The following INPP5F variants were observed in gnomAD, a reference collection of about 807,000 sequenced individuals.
INPP5F encodes the protein inositol polyphosphate-5-phosphatase F, also known as phosphatidylinositide 4-phosphatase SAC2.
In INPP5F, 97 loss-of-function variants were observed where a neutral mutation model predicts 137.2. The ratio of observed to expected loss-of-function variants is 0.71; its 90% confidence interval spans 0.60 to 0.84. The LOEUF is 0.84. Among genes scored for constraint, INPP5F ranks in the 40% least tolerant of loss-of-function variants. The pLI, the probability that INPP5F is intolerant of heterozygous loss-of-function variation, is 0.00. For synonymous variants in INPP5F, 504 were observed against 476.9 expected, an observed-to-expected ratio of 1.06 and a Z score of -0.74; for missense variants, 1,271 against 1,371.9, an observed-to-expected ratio of 0.93 and a Z score of 1.16.
intron 9 of INPP5F, among the ~76,000 whole-genome samples, chr10:119,803,466 C>T (rs969470509): frequency 6.6e-6 from 1 of 152,190 alleles, no homozygotes; most frequent in Non-Finnish European, 1.5e-5. Flanking sequence ...TGCTTCTGGG[C>T]CACCATTCCT....
chr10:119,730,567 T>C (rs1848027534), intron 1 of INPP5F, among the ~76,000 whole-genome samples: 1 of 152,234 alleles, frequency 6.6e-6, no homozygotes, highest in Non-Finnish European at 1.5e-5. Flanking sequence ...TGATATGGTC[T>C]TATCTCTTTG....
intron 1 of INPP5F, among the ~76,000 whole-genome samples, chr10:119,746,171 C>G (rs1447284563): frequency 2.6e-5 from 4 of 152,220 alleles, no homozygotes; most frequent in Admixed American, 1.3e-4. Flanking sequence ...CTGGCAAGTA[C>G]TTGATATGTG....
At chr10:119,779,892 CT>C (rs935630945) in intron 2 of INPP5F, among the ~76,000 whole-genome samples, 6 of 152,174 alleles carry the variant, frequency 3.9e-5, no homozygotes, top group Non-Finnish European at 8.8e-5. Context: ...CCTTATTTAA[CT>C]TTTTTTATAA....
At chr10:119,756,438 C>CA (rs1848844438) in intron 2 of INPP5F, among the ~76,000 whole-genome samples, 1 of 152,044 alleles carries the variant, frequency 6.6e-6, no homozygotes, top group Non-Finnish European at 1.5e-5. Context: ...GAGTTCGAGA[C>CA]AAGCCTGGCT....
At chr10:119,798,772 CATT>C (rs1286094020) in intron 9 of INPP5F, among the ~76,000 whole-genome samples, 162 bp downstream of exon 9, 1 of 141,076 alleles carries the variant, frequency 7.1e-6, no homozygotes, top group East Asian at 2.1e-4. Context: ...TAAGAATAAT[CATT>C]GAGTCAGCTA....
intron 6 of INPP5F, among the ~76,000 whole-genome samples, chr10:119,792,636 A>G (rs888037777): frequency 7.3e-5 from 11 of 151,544 alleles, no homozygotes; most frequent in Non-Finnish European, 1.5e-4. Context: ...GGAATAGCCA[A>G]ATCTCTGAGG....
At chr10:119,801,479 C>T (rs2134234228) in intron 9 of INPP5F, among the ~76,000 whole-genome samples, 1 of 152,288 alleles carries the variant, frequency 6.6e-6, no homozygotes, top group East Asian at 1.9e-4. Context: ...AGGATTTGAC[C>T]TTATTTTACA....
At chr10:119,794,965 T>A (rs1178470580) in intron 6 of INPP5F, among the ~76,000 whole-genome samples, 8 of 83,010 alleles carry the variant, frequency 9.6e-5, no homozygotes, top group East Asian at 9.0e-4. Context: ...CACTTCCCAG[T>A]AGGGGTGGCC....
intron 12 of INPP5F, 84 bp downstream of exon 12, chr10:119,806,564 C>A: frequency 8.0e-7 from 1 of 1,254,592 alleles, no homozygotes; most frequent in Non-Finnish European, 1.1e-6. Flanking sequence ...AAATATTTTT[C>A]AAATGTCAAA....
chr10:119,791,219 G>A (rs543054147), intron 3 of INPP5F, among the ~76,000 whole-genome samples: 4 of 152,240 alleles, frequency 2.6e-5, no homozygotes, highest in East Asian at 1.9e-4. Flanking sequence ...AACCTCAGCC[G>A]GAACATTTCA....
chr10:119,788,901 G>A (rs1589715988), intron 3 of INPP5F, among the ~76,000 whole-genome samples: 1 of 152,156 alleles, frequency 6.6e-6, no homozygotes, highest in Non-Finnish European at 1.5e-5. Flanking sequence ...TTCCTGGGGG[G>A]AAATTTTTGC....
intron 19 of INPP5F, among the ~76,000 whole-genome samples, chr10:119,825,288 G>A (rs1394002387): frequency 6.6e-6 from 1 of 152,176 alleles, no homozygotes; most frequent in Admixed American, 6.5e-5. Context: ...ATTAAAAGAT[G>A]TGGGTATTTC....
intron 3 of INPP5F, among the ~76,000 whole-genome samples, chr10:119,789,603 C>T (rs1850062207): frequency 6.6e-6 from 1 of 151,956 alleles, no homozygotes; most frequent in Non-Finnish European, 1.5e-5. Flanking sequence ...AAGATCCTGC[C>T]TCAACCTCTG....
chr10:119,801,947 C>G (rs758259026), intron 9 of INPP5F, among the ~76,000 whole-genome samples: 4 of 152,178 alleles, frequency 2.6e-5, no homozygotes, highest in Middle Eastern at 3.2e-3. Context: ...TGATTTCGAA[C>G]AGTACCCCAA....
intron 2 of INPP5F, among the ~76,000 whole-genome samples, chr10:119,778,801 C>T (rs1849608109): frequency 6.6e-6 from 1 of 152,082 alleles, no homozygotes; most frequent in East Asian, 1.9e-4. Context: ...TTCTCTATCT[C>T]CTACAGTTTA....
chr10:119,801,633 A>T (rs1850598328), intron 9 of INPP5F, among the ~76,000 whole-genome samples: 1 of 152,218 alleles, frequency 6.6e-6, no homozygotes, highest in African/African-American at 2.4e-5. Flanking sequence ...CCAGCTACAC[A>T]AAAGGCTGAA....
Position 119,827,635 on chromosome 10 carries a change from C to G in INPP5F, c.3254C>G (p.Thr1085Ser), listed in dbSNP as rs1851824909. 1 of 1,614,116 alleles carries G rather than the reference C, an allele frequency of 6.2e-7. No homozygotes were observed. The highest frequency in any genetic ancestry group is 8.5e-7 in the Non-Finnish European group (1 of 1,180,014). ...RSSMVQVASI[T>S]QAGLTHGINF... ...TCCATGGTCCAGGTTGCTAGTATTA[C>G]CCAAGCTGGATTAACCCATGGGATA... The change falls in exon 20 of 20, where the codon ACC becomes AGC. Residue 1085 changes from threonine (T) to serine (S), a missense_variant. Thr to Ser is a moderately conservative substitution (Grantham distance 58). Coordinates refer to ENST00000650623, the MANE Select transcript of INPP5F (RefSeq NM_014937.4).
In INPP5F at chr10:119,827,092, G is replaced by C. The variant is rs758197278; in HGVS notation, c.2711G>C (p.Arg904Pro). Residue 904 changes from arginine to proline, a missense_variant, in exon 20 of 20, where the codon CGG (arginine) becomes CCG (proline). Arg to Pro is a moderately radical substitution (Grantham distance 103). This residue lies in a region of INPP5F where 490 missense variants were observed against 443.7 expected (regional missense o/e 1.10). Coordinates refer to ENST00000650623, the MANE Select transcript of INPP5F (RefSeq NM_014937.4). The part of the protein sequence containing the change: ...IIASAPRLGS[R>P]SQSLSSTDSS... ...GCCTCAGCGCCTCGATTGGGCAGTCGGTCCCAGTCTCTTAGCAGCACAGAT... is the reference window on the plus strand; with the variant it reads ...GCCTCAGCGCCTCGATTGGGCAGTCCGTCCCAGTCTCTTAGCAGCACAGAT... 1.1e-5 allele frequency: 17 copies of C among 1,614,102 alleles called. No individual in the cohort carries two copies. In the East Asian group the frequency reaches 3.8e-4, roughly 36 times the overall value.
At chr10:119,773,303 C>T (rs1351489353) in intron 2 of INPP5F, among the ~76,000 whole-genome samples, 1 of 151,058 alleles carries the variant, frequency 6.6e-6, no homozygotes, top group Admixed American at 6.6e-5. Context: ...GCAGTCCACC[C>T]ACCCTGGCCT....
Sources: allele counts gnomAD v4.1 joint callset (sites outside exome capture counted in the v4.1 genomes callset), GRCh38; gene constraint gnomAD v4.1.1; regional missense constraint gnomAD v4.1.1; transcripts MANE v1.5; gene names NCBI Gene and HGNC (gene_info 2026-07-23, HGNC 2026-07-21).